KIF14: variants seen among roughly 807,000 people sequenced by gnomAD.
KIF14 encodes the protein kinesin-like protein KIF14.
KIF14 carries 98 observed loss-of-function variants against 176.2 expected under a neutral mutation model. The ratio of observed to expected loss-of-function variants is 0.56; its 90% CI spans 0.47 to 0.66. The LOEUF is 0.66. Ranked by LOEUF, KIF14 falls within the 30% of genes least tolerant of loss-of-function variation. KIF14 has a pLI of 0.00. For missense variants in KIF14, 1,751 were observed against 1,920.4 expected (o/e 0.91, Z 1.65); for synonymous variants, 566 against 632.2 (o/e 0.90, Z 1.57).
intron 23 of KIF14, among the ~76,000 whole-genome samples, chr1:200,566,479 G>C (rs966911826): frequency 1.3e-5 from 2 of 151,782 alleles, no homozygotes; most frequent in Non-Finnish European, 2.9e-5. Flanking sequence ...TGTAGTTCCA[G>C]CTACCCGGGA....
rs1558098796 is a variant in KIF14 at position 200,618,795 on chromosome 1, T to C, written c.-72A>G. 1.5e-5 allele frequency: 19 copies of C among 1,249,998 alleles called. No individual in the cohort carries two copies. Among genetic ancestry groups the C allele is most frequent in the Middle Eastern group, 2.0e-4 (1 of 5,106 alleles). The allele number at this position is 1,249,998 out of a possible 1,614,324, so 77.4% of individuals were successfully genotyped here. ...CTCTTCTTTGGACATTCATTTGATT[T>C]CCAGCCATTTCTTATGTATCCATTT... On this transcript the variant is annotated 5_prime_UTR_variant, in exon 2 of 30. Coordinates refer to ENST00000367350, the MANE Select transcript of KIF14 (RefSeq NM_014875.3).
intron 21 of KIF14, among the ~76,000 whole-genome samples, chr1:200,580,051 C>T (rs1419522100): frequency 6.6e-6 from 1 of 151,848 alleles, no homozygotes; most frequent in East Asian, 1.9e-4. Flanking sequence ...CAATAAAACT[C>T]CATTTAAATG....
Position 200,606,794 on chromosome 1 carries a change from C to G in KIF14, c.1559G>C (p.Arg520Thr). The G allele has an allele frequency of 6.2e-7, 1 of 1,612,772 alleles. No homozygotes were observed. Among genetic ancestry groups the G allele is most frequent in the Admixed American group, 1.7e-5 (1 of 60,012 alleles). ...TCCATAAACAGGATGTTCCCTCACTCTCAGCTAGAAGAAGCAAATACATGC... is the reference window on the plus strand; with the variant it reads ...TCCATAAACAGGATGTTCCCTCACTGTCAGCTAGAAGAAGCAAATACATGC... ...DENGQRKQPL[R>T]VREHPVYGPY... The change falls in exon 6 of 30, where the codon AGA (arginine) becomes ACA (threonine). Residue 520 changes from arginine (R) to threonine (T), a missense_variant. Coordinates refer to ENST00000367350, the MANE Select transcript of KIF14 (RefSeq NM_014875.3).
intron 4 of KIF14, 116 bp downstream of exon 4, chr1:200,614,202 C>A: frequency 1.7e-6 from 1 of 571,934 alleles, no homozygotes; most frequent in Non-Finnish European, 3.1e-6. Flanking sequence ...GAAGAGTGAT[C>A]TACAAATTAG....
chr1:200,559,310 T>C lies in KIF14; in HGVS notation c.4353+20A>G. 1 of 1,516,876 alleles carries C rather than the reference T, an allele frequency of 6.6e-7. No individual in the cohort carries two copies. Among genetic ancestry groups the C allele is most frequent in the South Asian group, 1.3e-5 (1 of 76,672 alleles). 94.0% of individuals were successfully genotyped at this position (1,516,876 alleles called of 1,614,324 possible). A position where few individuals can be genotyped will look rare whatever the true frequency, so the allele number is the denominator to read the frequency against. On this transcript the variant is annotated intron_variant, in intron 27 of 29. Coordinates refer to ENST00000367350, the MANE Select transcript of KIF14 (RefSeq NM_014875.3). ...ATATATTATTTAGTACTGTACAGAA[T>C]ATTCTTTTATTCATCTTACCTCATT...
At chr1:200,571,855 G>A (rs982975712) in intron 22 of KIF14, among the ~76,000 whole-genome samples, 2 of 152,132 alleles carry the variant, frequency 1.3e-5, no homozygotes, top group African/African-American at 4.8e-5. Flanking sequence ...GTTAAACAAC[G>A]TTTAAACCCA....
chr1:200,577,836 A>G (rs998323704), intron 21 of KIF14, among the ~76,000 whole-genome samples: 5 of 152,046 alleles, frequency 3.3e-5, no homozygotes, highest in African/African-American at 1.2e-4. Context: ...GACACTTTCT[A>G]TGTATTGCTA....
At chr1:200,561,054 A>G (rs184381397) in intron 25 of KIF14, among the ~76,000 whole-genome samples, 174 bp from the exon 26 acceptor site, 64 of 151,854 alleles carry the variant, frequency 4.2e-4, no homozygotes, top group Admixed American at 1.4e-3. Context: ...AACATGGTAA[A>G]ACCCTATCTC....
intron 16 of KIF14, among the ~76,000 whole-genome samples, chr1:200,590,966 C>T (rs12117521): frequency 0.54 from 82,038 of 151,454 alleles, 22,748 homozygotes; most frequent in East Asian, 0.69. Flanking sequence ...GTGGAAGTTG[C>T]AATGAACCCA....
At chr1:200,598,955 A>G (rs917655618) in intron 13 of KIF14, among the ~76,000 whole-genome samples, 2 of 152,090 alleles carry the variant, frequency 1.3e-5, no homozygotes, top group Non-Finnish European at 2.9e-5. Flanking sequence ...CTACTCATAC[A>G]TCAATCTATC....
rs754710178 is a variant in KIF14, at chr1:200,601,938, T to C, written c.2110A>G (p.Ile704Val). The C allele has an allele frequency of 1.2e-6, 2 of 1,612,838 alleles. No homozygotes were observed. The highest frequency in any genetic ancestry group is 1.1e-5 in the South Asian group (1 of 90,706). ...TTCATATCTTCATTTACTTTAGCAA[T>C]GTTGACTATTAAACGGGCTTGGTTA... The part of the protein sequence containing the change: ...YANQARLIVN[I>V]AKVNEDMNAK... Residue 704 changes from isoleucine (I) to valine (V), a missense_variant, in exon 11 of 30, where the codon ATT (isoleucine) becomes GTT (valine). Physicochemically the swap from Ile to Val is conservative, Grantham distance 29. Coordinates refer to ENST00000367350, the MANE Select transcript of KIF14 (RefSeq NM_014875.3).
chr1:200,615,321 A>C (rs1660357012), intron 3 of KIF14, 34 bp downstream of exon 3: 8 of 1,574,906 alleles, frequency 5.1e-6, no homozygotes, highest in Non-Finnish European at 6.9e-6. Context: ...ATATTTAAAC[A>C]CTTCTGGATA....
At chr1:200,595,115 TTTCCTTGAGTCA>T (rs1269992611) in intron 14 of KIF14, among the ~76,000 whole-genome samples, 2 of 152,198 alleles carry the variant, frequency 1.3e-5, no homozygotes, top group Non-Finnish European at 2.9e-5. Flanking sequence ...GCTTTCCTCC[TTTCCTTGAGTCA>T]TTCCTTCCAG....
intron 18 of KIF14, among the ~76,000 whole-genome samples, chr1:200,586,654 G>A (rs889717929): frequency 2.0e-5 from 3 of 150,824 alleles, no homozygotes; most frequent in African/African-American, 7.3e-5. Context: ...AGGAAAAGAA[G>A]TCATTGTATC....
rs1234910287 is a variant in KIF14 at position 200,606,817 on chromosome 1, TG to T, written c.1555-20del. The T allele has an allele frequency of 1.3e-6, 2 of 1,592,326 alleles. No homozygotes were observed. Among genetic ancestry groups the T allele is most frequent in the South Asian group, 2.2e-5 (2 of 90,678 alleles). On this transcript the variant is annotated intron_variant, in intron 5 of 29. Transcript: ENST00000367350. ...CTCTCAGCTAGAAGAAGCAAATACA[TG>T]CATCATTAGGAGTATGACAAATATT... is the stretch of plus-strand genomic sequence containing the variant.
rs576268129 is a variant in KIF14 at position 200,594,606 on chromosome 1, T to A, written c.2550-837A>T. Among the ~76,000 whole-genome samples the A allele has an allele frequency of 8.5e-5, 13 of 152,270 alleles. No homozygotes were observed. The South Asian group carries it at 2.5e-3, about 29-fold the overall frequency. On this transcript the variant is annotated intron_variant, in intron 14 of 29. Coordinates refer to ENST00000367350, the MANE Select transcript of KIF14 (RefSeq NM_014875.3). ...TTAAGACATCTAATTTACTGGATGA[T>A]AAGGTGATACTGTGGAAAATCAGCT...
intron 28 of KIF14, 136 bp downstream of exon 28, chr1:200,555,244 T>G: frequency 1.7e-6 from 1 of 588,784 alleles, no homozygotes; most frequent in Non-Finnish European, 3.0e-6. Flanking sequence ...AGAGCTATCT[T>G]ACATGCTACA....
At chr1:200,575,318 C>T (rs1325470572) in intron 22 of KIF14, among the ~76,000 whole-genome samples, 1 of 152,012 alleles carries the variant, frequency 6.6e-6, no homozygotes, top group Non-Finnish European at 1.5e-5. Flanking sequence ...ATTTATGCTA[C>T]TCTAAGTTGC....
rs1167630204 is a variant in KIF14 at position 200,565,616 on chromosome 1, G to A, written c.3715C>T (p.Pro1239Ser). The change falls in exon 24 of 30, where the codon CCT becomes TCT. Residue 1239 changes from proline (P) to serine (S), a missense_variant. Transcript: ENST00000367350. ...CCAATCAATTCTTTGCAAATTCCAG[G>A]AAGAAAGGACTCTGCTGAATTTGAG... ...IYSNSAESFL[P>S]GICKELIGSS... 1.9e-6 allele frequency: 3 copies of A among 1,611,042 alleles called. No homozygotes were observed. Among genetic ancestry groups the A allele is most frequent in the African/African-American group, 1.3e-5 (1 of 74,770 alleles).
Sources: gnomAD v4.1 joint callset for allele counts (sites outside exome capture counted in the v4.1 genomes callset) on GRCh38, gnomAD v4.1.1 for gene constraint, MANE v1.5 for transcripts, NCBI Gene and HGNC (gene_info 2026-07-23, HGNC 2026-07-21) for gene names.